The following TBXAS1 variants were observed in gnomAD, a reference collection of about 807,000 sequenced individuals.
TBXAS1 encodes thromboxane A synthase 1.
A neutral mutation model predicts 60.7 loss-of-function variants in TBXAS1; 48 were observed. The observed-to-expected ratio is 0.79, with a 90% CI of 0.63 to 1.01. The LOEUF (loss-of-function observed/expected upper bound fraction) is 1.01, where lower values mean the gene tolerates loss of function less well. Ranked by LOEUF, TBXAS1 falls within the 50% of genes least tolerant of loss-of-function variation. The pLI is 0.00. For missense variants in TBXAS1, 685 were observed against 686.3 expected, an observed-to-expected ratio of 1.00 and a Z score of 0.02; for synonymous variants, 287 against 269.7, an observed-to-expected ratio of 1.06 and a Z score of -0.63.
At chr7:139,826,113 G>C (rs752981131), upstream of TBXAS1, among the ~76,000 whole-genome samples, 10 of 152,104 alleles carry the variant, frequency 6.6e-5, no homozygotes, top group African/African-American at 2.4e-5. Flanking sequence ...ACCACGATGA[G>C]TCACCCTCCA....
chr7:139,841,766 A>G (rs1461086153), intron 1 of TBXAS1, among the ~76,000 whole-genome samples: 1 of 152,226 alleles, frequency 6.6e-6, no homozygotes, highest in Non-Finnish European at 1.5e-5. Flanking sequence ...CATACACTCC[A>G]ATACTTATAC....
chr7:139,976,147 C>T (rs1811547893), intron 9 of TBXAS1, among the ~76,000 whole-genome samples: 1 of 152,180 alleles, frequency 6.6e-6, no homozygotes, highest in South Asian at 2.1e-4. Context: ...GCCTGATTGC[C>T]CCCGGCCTCC....
At chr7:139,951,717 G>C (rs1809289027) in intron 5 of TBXAS1, among the ~76,000 whole-genome samples, 1 of 141,970 alleles carries the variant, frequency 7.0e-6, no homozygotes, top group African/African-American at 2.6e-5. Flanking sequence ...AGGTTGCAGT[G>C]AGCCGAGATC....
At chr7:139,786,077 G>GT (rs1339996022) in intron 3 of TBXAS1, among the ~76,000 whole-genome samples, 7 of 144,860 alleles carry the variant, frequency 4.8e-5, no homozygotes, top group Non-Finnish European at 9.1e-5. Context: ...TTTGTTTTTT[G>GT]TTTTTTTAAT....
chr7:140,008,775 C>G (rs963035459), intron 10 of TBXAS1, among the ~76,000 whole-genome samples: 4 of 152,158 alleles, frequency 2.6e-5, no homozygotes, highest in Non-Finnish European at 5.9e-5. Flanking sequence ...TGATATCCAG[C>G]TTTCTTCCAA....
intron 4 of TBXAS1, among the ~76,000 whole-genome samples, chr7:139,806,776 T>G (rs1797888815): frequency 6.6e-6 from 1 of 152,152 alleles, no homozygotes; most frequent in African/African-American, 2.4e-5. Flanking sequence ...GTCTGCACCT[T>G]GATTCCCCCT....
At chr7:139,800,238 G>A (rs998670921) in intron 4 of TBXAS1, among the ~76,000 whole-genome samples, 4 of 152,130 alleles carry the variant, frequency 2.6e-5, no homozygotes, top group African/African-American at 9.7e-5. Flanking sequence ...CATGCCTCCA[G>A]TGGCTTCTCA....
intron 1 of TBXAS1, among the ~76,000 whole-genome samples, chr7:139,847,159 C>T (rs1003062523): frequency 3.3e-5 from 5 of 152,130 alleles, no homozygotes; most frequent in Admixed American, 2.0e-4. Flanking sequence ...CACAATAAAT[C>T]AAGCTTTAAA....
intron 12 of TBXAS1, among the ~76,000 whole-genome samples, chr7:140,019,757 C>T (rs763525139): frequency 9.2e-5 from 14 of 152,240 alleles, no homozygotes; most frequent in Non-Finnish European, 1.8e-4. Flanking sequence ...CCACAGCACA[C>T]ATGAGCAGGA....
chr7:139,866,857 G>C (rs1183783088), intron 1 of TBXAS1, among the ~76,000 whole-genome samples: 1 of 152,150 alleles, frequency 6.6e-6, no homozygotes, highest in Non-Finnish European at 1.5e-5. Flanking sequence ...CCAAGAGAAT[G>C]ACAATATAAA....
At chr7:139,842,696 G>A (rs1799534923) in intron 1 of TBXAS1, among the ~76,000 whole-genome samples, 1 of 152,216 alleles carries the variant, frequency 6.6e-6, no homozygotes, top group African/African-American at 2.4e-5. Flanking sequence ...AGCTGATAGG[G>A]GAGTTCCCTG....
chr7:140,012,485 C>T (rs551721330), intron 10 of TBXAS1, among the ~76,000 whole-genome samples: 32 of 147,906 alleles, frequency 2.2e-4, no homozygotes, highest in Non-Finnish European at 3.6e-4. Context: ...TTTTTTGAGA[C>T]GGAGTCTCGC....
intron 1 of TBXAS1, among the ~76,000 whole-genome samples, chr7:139,836,412 A>G (rs544071988): frequency 6.6e-6 from 1 of 152,242 alleles, no homozygotes; most frequent in Non-Finnish European, 1.5e-5. Context: ...ACCTTATTTC[A>G]AACTATACTA....
chr7:139,955,640 G>T, intron 7 of TBXAS1, 33 bp downstream of exon 7: 1 of 1,612,658 alleles, frequency 6.2e-7, no homozygotes, highest in South Asian at 1.1e-5. Flanking sequence ...GCGCTGCGAT[G>T]ACTCCAGCAA....
intron 4 of TBXAS1, among the ~76,000 whole-genome samples, chr7:139,817,568 G>T (rs1798183339): frequency 6.6e-6 from 1 of 152,232 alleles, no homozygotes; most frequent in Non-Finnish European, 1.5e-5. Context: ...GGTACAGGCA[G>T]CCACGGGGTG....
At chr7:139,839,103 G>C (rs1419705929) in intron 1 of TBXAS1, among the ~76,000 whole-genome samples, 1 of 152,124 alleles carries the variant, frequency 6.6e-6, no homozygotes, top group Non-Finnish European at 1.5e-5. Context: ...GGAGGATAAA[G>C]ATTGCTTTAT....
At chr7:139,885,596 A>G (rs577194483) in intron 3 of TBXAS1, among the ~76,000 whole-genome samples, 2 of 152,354 alleles carry the variant, frequency 1.3e-5, no homozygotes, top group South Asian at 4.1e-4. Context: ...TGAGAATGCA[A>G]ATAGCATTCC....
chr7:139,868,462 A>AATTTATTTATTT (rs57162964), intron 1 of TBXAS1, among the ~76,000 whole-genome samples: 8,862 of 150,404 alleles, frequency 0.059, 808 homozygotes, highest in African/African-American at 0.19. Context: ...GAAACTCCAG[A>AATTTATTTATTT]ATTTATTTAT....
intron 1 of TBXAS1, among the ~76,000 whole-genome samples, chr7:139,859,154 C>G (rs540161142): frequency 1.3e-5 from 2 of 151,292 alleles, no homozygotes; most frequent in African/African-American, 4.9e-5. Context: ...GGATTACAGG[C>G]GTGAGCCACC....
Sources: allele counts gnomAD v4.1 joint callset (sites outside exome capture counted in the v4.1 genomes callset), GRCh38; gene constraint gnomAD v4.1.1; transcripts MANE v1.5; gene names NCBI Gene and HGNC (gene_info 2026-07-23, HGNC 2026-07-21).